Variants in RASSF8 observed in about 807,000 individuals in gnomAD.
The protein encoded by RASSF8 is Ras association domain family member 8, also known as ras association domain-containing protein 8.
In RASSF8, 22 loss-of-function variants were observed where a neutral mutation model predicts 48.5. The observed-to-expected ratio is 0.45, with a 90% confidence interval of 0.32 to 0.65. The LOEUF (loss-of-function observed/expected upper bound fraction) is 0.65, where lower values mean the gene tolerates loss of function less well. RASSF8 is among the 30% of genes least tolerant of loss of function. The probability of loss-of-function intolerance (pLI) is 0.03; values close to 1 mark genes in which losing one functional copy is unlikely to be tolerated. For missense variants in RASSF8, 418 were observed against 489.2 expected, an observed-to-expected ratio of 0.85 and a Z score of 1.37; for synonymous variants, 127 against 171.5, an observed-to-expected ratio of 0.74 and a Z score of 2.03.
In RASSF8 at chr12:26,067,704, A is replaced by C; in HGVS notation, c.1129A>C (p.Ile377Leu). The C allele has an allele frequency of 6.2e-7, 1 of 1,614,124 alleles. No individual in the cohort carries two copies. Among genetic ancestry groups the C allele is most frequent in the Non-Finnish European group, 8.5e-7 (1 of 1,179,986 alleles). The change falls in exon 5 of 6, where the codon ATT becomes CTT. Residue 377 changes from isoleucine to leucine, a missense_variant. Transcript: ENST00000689635. ...PIEIEASHAD[I>L]EREAPFQSGS... ...TGAAATAGAGGCCTCACATGCAGAC[A>C]TTGAAAGGGGTAAGATGTTGATAAA...
chr12:26,051,589 A>G (rs909246371), intron 2 of RASSF8, among the ~76,000 whole-genome samples: 4 of 152,248 alleles, frequency 2.6e-5, no homozygotes, highest in Admixed American at 6.5e-5. Context: ...TAATTCAGAA[A>G]TAAGTGCTAT....
intron 1 of RASSF8, among the ~76,000 whole-genome samples, chr12:25,994,150 G>A (rs564376270): frequency 1.3e-5 from 2 of 152,114 alleles, no homozygotes; most frequent in African/African-American, 4.8e-5. Flanking sequence ...GGGTCTGCCA[G>A]TTCTTTCTTC....
At chr12:25,981,600 T>C (rs1422391878) in intron 1 of RASSF8, among the ~76,000 whole-genome samples, 1 of 152,218 alleles carries the variant, frequency 6.6e-6, no homozygotes, top group African/African-American at 2.4e-5. Flanking sequence ...CATGCACTGA[T>C]AAATTGTATG....
At chr12:26,021,247 A>G (rs904589929) in intron 2 of RASSF8, among the ~76,000 whole-genome samples, 1 of 152,232 alleles carries the variant, frequency 6.6e-6, no homozygotes, top group Non-Finnish European at 1.5e-5. Context: ...GAAGAAACAT[A>G]TATTTAAGAA....
chr12:26,052,977 T>A (rs1943524354), intron 2 of RASSF8: 1 of 152,118 alleles, frequency 6.6e-6, no homozygotes, highest in Non-Finnish European at 1.5e-5. Context: ...AACATCAGAT[T>A]TATAGAAACA....
intron 1 of RASSF8, among the ~76,000 whole-genome samples, chr12:25,964,908 T>C (rs932448819): frequency 6.6e-6 from 1 of 152,186 alleles, no homozygotes; most frequent in East Asian, 1.9e-4. Flanking sequence ...TGACTTCCCT[T>C]ATATTTCTTT....
chr12:25,963,806 G>A (rs1302497982), intron 1 of RASSF8, among the ~76,000 whole-genome samples: 4 of 152,218 alleles, frequency 2.6e-5, no homozygotes, highest in Admixed American at 6.5e-5. Context: ...TCTCGAAGAG[G>A]AGGAGTGAGT....
chr12:25,977,477 T>C (rs913442496), intron 1 of RASSF8, among the ~76,000 whole-genome samples: 10 of 151,996 alleles, frequency 6.6e-5, no homozygotes, highest in Non-Finnish European at 1.5e-5. Flanking sequence ...TATATGATTA[T>C]TTTGATTTTT....
chr12:25,993,850 GT>G (rs1235343371), intron 1 of RASSF8, among the ~76,000 whole-genome samples: 1 of 152,118 alleles, frequency 6.6e-6, no homozygotes, highest in Non-Finnish European at 1.5e-5. Context: ...AAAAAATAAT[GT>G]GACTGCTACT....
intron 2 of RASSF8, among the ~76,000 whole-genome samples, chr12:26,007,037 C>T (rs982081180): frequency 6.6e-6 from 1 of 152,088 alleles, no homozygotes; most frequent in Non-Finnish European, 1.5e-5. Flanking sequence ...GGGGAGCCAG[C>T]GTGTGCAGAG....
At chr12:25,990,711 C>T (rs372520814) in intron 1 of RASSF8, among the ~76,000 whole-genome samples, 2 of 152,244 alleles carry the variant, frequency 1.3e-5, no homozygotes, top group African/African-American at 4.8e-5. Flanking sequence ...GTGAAAAAAC[C>T]ACCTTGAATG....
intron 2 of RASSF8, among the ~76,000 whole-genome samples, chr12:26,027,367 TAAAC>T (rs369393383): frequency 1.3e-4 from 20 of 152,330 alleles, no homozygotes; most frequent in African/African-American, 4.1e-4. Flanking sequence ...AGCTGTTGTT[TAAAC>T]AAACAAACAG....
chr12:26,033,656 A>T (rs1056339648), intron 2 of RASSF8, among the ~76,000 whole-genome samples: 1 of 152,132 alleles, frequency 6.6e-6, no homozygotes, highest in African/African-American at 2.4e-5. Flanking sequence ...TCATAGAAAG[A>T]AAGAAACGTA....
intron 2 of RASSF8, among the ~76,000 whole-genome samples, chr12:26,017,129 T>A (rs200218456): frequency 8.0e-4 from 120 of 150,510 alleles, no homozygotes; most frequent in South Asian, 2.6e-3. Flanking sequence ...AATATTTTTT[T>A]AAAAAAATTT....
At chr12:25,996,843 G>A (rs1344522440) in intron 2 of RASSF8, among the ~76,000 whole-genome samples, 1 of 152,200 alleles carries the variant, frequency 6.6e-6, no homozygotes, top group Non-Finnish European at 1.5e-5. Context: ...GTTTACAGGA[G>A]AGGGACTTCC....
downstream of RASSF8, among the ~76,000 whole-genome samples, chr12:26,075,747 G>A (rs1041925711): frequency 3.3e-5 from 5 of 152,260 alleles, no homozygotes; most frequent in African/African-American, 7.2e-5. Flanking sequence ...AATATTTTTA[G>A]GCATAAAGCA....
chr12:26,068,910 T>G lies in RASSF8; in HGVS notation c.*92T>G. The G allele has an allele frequency of 6.7e-7, 1 of 1,496,674 alleles. No individual in the cohort carries two copies. Among genetic ancestry groups the G allele is most frequent in the Non-Finnish European group, 8.9e-7 (1 of 1,126,076 alleles). The allele number at this position is 1,496,674 out of a possible 1,614,324, so 92.7% of individuals were successfully genotyped here. A position where few individuals can be genotyped will look rare whatever the true frequency, so the allele number is the denominator to read the frequency against. ...GTGCCAATGATGAACAGAGGATCTA[T>G]TCCACAAGACGCTGTATGTTTTTTC... On this transcript the variant is annotated 3_prime_UTR_variant, in exon 6 of 6. Coordinates refer to ENST00000689635, the MANE Select transcript of RASSF8 (RefSeq NM_001394098.1).
intron 2 of RASSF8, chr12:26,052,947 A>T (rs1405688799): frequency 6.6e-6 from 1 of 152,230 alleles, no homozygotes; most frequent in African/African-American, 2.4e-5. Flanking sequence ...AAAGGAATAT[A>T]AAACGTCTGT....
Position 26,071,409 on chromosome 12 carries a change from T to TAA in RASSF8, c.*2591_*2592insAA, listed in dbSNP as rs112441608. On this transcript the variant is annotated 3_prime_UTR_variant, in exon 6 of 6. Transcript: ENST00000689635. ...TAGATTTCAATGTTTTGTGTTTTTT[T>TAA]TAAAAAAATCATATTGCAACTTGTT... 8.5e-6 allele frequency: 8 copies of TAA among 942,674 alleles called. No homozygotes were observed. Among genetic ancestry groups the TAA allele is most frequent in the African/African-American group, 5.4e-5 (3 of 56,020 alleles). 58.4% of individuals were successfully genotyped at this position (942,674 alleles called of 1,614,324 possible). A position where few individuals can be genotyped will look rare whatever the true frequency, so the allele number is the denominator to read the frequency against.
Sources: allele counts gnomAD v4.1 joint callset (sites outside exome capture counted in the v4.1 genomes callset), GRCh38; gene constraint gnomAD v4.1.1; transcripts MANE v1.5; gene names NCBI Gene and HGNC (gene_info 2026-07-23, HGNC 2026-07-21).